DLG1: variants seen among roughly 807,000 people sequenced by gnomAD.
The protein encoded by DLG1 is disks large homolog 1.
DLG1 carries 42 observed loss-of-function variants against 123.4 expected under a neutral mutation model. That is an observed-to-expected ratio of 0.34 (90% confidence interval 0.27 to 0.44). The LOEUF is 0.44. Ranked by LOEUF, DLG1 falls within the 20% of genes least tolerant of loss-of-function variation. The pLI, the probability that DLG1 is intolerant of heterozygous loss-of-function variation, is 1.00. For synonymous variants in DLG1, 317 were observed against 356.2 expected, an observed-to-expected ratio of 0.89 and a Z score of 1.24; for missense variants, 942 against 1,082.6, an observed-to-expected ratio of 0.87 and a Z score of 1.82.
At chr3:197,277,993 A>G (rs1235570620) in intron 4 of DLG1, among the ~76,000 whole-genome samples, 1 of 151,744 alleles carries the variant, frequency 6.6e-6, no homozygotes, top group Non-Finnish European at 1.5e-5. Context: ...GTTTAAAGAA[A>G]TGGTTTTGGG....
At chr3:197,183,570 G>A (rs1713874185) in intron 5 of DLG1, 4 of 1,549,658 alleles carry the variant, frequency 2.6e-6, no homozygotes, top group Non-Finnish European at 3.5e-6. Flanking sequence ...CAAGTGGTAT[G>A]TTACCTGGGT....
intron 11 of DLG1, among the ~76,000 whole-genome samples, chr3:197,128,874 T>C (rs972613109): frequency 6.6e-6 from 1 of 152,134 alleles, no homozygotes; most frequent in African/African-American, 2.4e-5. Context: ...CAGGTCTCAA[T>C]AGTTGGCTTA....
intron 4 of DLG1, among the ~76,000 whole-genome samples, chr3:197,242,608 T>TAA (rs1235936736): frequency 6.7e-6 from 1 of 150,306 alleles, no homozygotes; most frequent in Non-Finnish European, 1.5e-5. Context: ...ACAAAAAGAA[T>TAA]AAAAATACAT....
intron 4 of DLG1, among the ~76,000 whole-genome samples, chr3:197,258,741 A>T (rs1758009730): frequency 1.3e-5 from 2 of 152,228 alleles, no homozygotes; most frequent in South Asian, 4.1e-4. Flanking sequence ...CTTTAGTTCA[A>T]AAGAAAATCA....
At chr3:197,135,307 T>C (rs1784540035) in intron 10 of DLG1, among the ~76,000 whole-genome samples, 3 of 152,204 alleles carry the variant, frequency 2.0e-5, no homozygotes, top group African/African-American at 7.2e-5. Flanking sequence ...GGGAGGGACC[T>C]TGTAGGAGGT....
intron 4 of DLG1, among the ~76,000 whole-genome samples, chr3:197,225,549 T>C (rs933347128): frequency 1.3e-5 from 2 of 152,184 alleles, no homozygotes; most frequent in Admixed American, 1.3e-4. Context: ...TCTCCAGTCC[T>C]GCGTATCAAT....
At chr3:197,136,824 G>A in intron 9 of DLG1, 146 bp from the exon 10 acceptor site, 1 of 635,120 alleles carries the variant, frequency 1.6e-6, no homozygotes, top group Non-Finnish European at 2.5e-6. Flanking sequence ...ACTAGTATAT[G>A]TTCTGCAATC....
intron 4 of DLG1, chr3:197,260,596 C>A (rs1237419254): frequency 6.5e-6 from 1 of 153,412 alleles, no homozygotes; most frequent in African/African-American, 2.4e-5. Context: ...GAGTCCACTG[C>A]TTCTTCAGAT....
At chr3:197,143,981 C>A (rs1789384887) in intron 6 of DLG1, among the ~76,000 whole-genome samples, 1 of 152,138 alleles carries the variant, frequency 6.6e-6, no homozygotes. Flanking sequence ...GGTTTGAATC[C>A]TTCCTTTAAA....
Position 197,104,933 on chromosome 3 carries a change from C to G in DLG1, c.1516G>C (p.Val506Leu). The G allele has an allele frequency of 6.2e-7, 1 of 1,613,544 alleles. No individual in the cohort carries two copies. The highest frequency in any genetic ancestry group is 8.5e-7 in the Non-Finnish European group (1 of 1,179,646). Reference protein sequence around the residue: ...AAALKNAGQAVTIVAQYRPEE... With the variant: ...AAALKNAGQALTIVAQYRPEE... ...GGTCGATATTGTGCAACAATTGTGACAGCCTGGCCAGCATTTTTCAATGCA... is the reference window on the plus strand; with the variant it reads ...GGTCGATATTGTGCAACAATTGTGAGAGCCTGGCCAGCATTTTTCAATGCA... The change falls in exon 14 of 25, where the codon GTC becomes CTC. Residue 506 changes from valine to leucine, a missense_variant. Val to Leu is a conservative substitution (Grantham distance 32). Transcript: ENST00000667157.
intron 24 of DLG1, among the ~76,000 whole-genome samples, chr3:197,045,228 G>GTCT (rs1722105052): frequency 2.0e-5 from 3 of 151,212 alleles, no homozygotes; most frequent in African/African-American, 7.3e-5. Context: ...AGATACCTAA[G>GTCT]CTAGCTTGTT....
At chr3:197,280,285 T>G (rs1448769262) in intron 4 of DLG1, among the ~76,000 whole-genome samples, 2 of 152,156 alleles carry the variant, frequency 1.3e-5, no homozygotes, top group African/African-American at 4.8e-5. Context: ...TCCATCCATG[T>G]TGCTGCAAAT....
chr3:197,094,787 G>A (rs1759699094), intron 14 of DLG1, among the ~76,000 whole-genome samples: 1 of 152,114 alleles, frequency 6.6e-6, no homozygotes, highest in South Asian at 2.1e-4. Flanking sequence ...TTTTATATGT[G>A]AAAGTCTGTT....
chr3:197,121,496 C>T (rs768563774), intron 11 of DLG1, among the ~76,000 whole-genome samples: 10 of 151,880 alleles, frequency 6.6e-5, no homozygotes, highest in Non-Finnish European at 8.8e-5. Flanking sequence ...AAGTTAAAAG[C>T]GAGAAAATAT....
intron 5 of DLG1, 78 bp from the exon 6 acceptor site, chr3:197,149,874 G>C: frequency 1.2e-6 from 1 of 822,296 alleles, no homozygotes; most frequent in Non-Finnish European, 2.1e-6. Context: ...AGAGGCATAG[G>C]AAAGACTTGC....
At chr3:197,110,643 C>T (rs1248307171) in intron 13 of DLG1, among the ~76,000 whole-genome samples, 1 of 152,122 alleles carries the variant, frequency 6.6e-6, no homozygotes, top group Non-Finnish European at 1.5e-5. Context: ...CAGAACTGTC[C>T]TCTTATCTAC....
intron 4 of DLG1, among the ~76,000 whole-genome samples, chr3:197,281,902 G>A (rs560203998): frequency 6.6e-5 from 10 of 152,286 alleles, no homozygotes; most frequent in African/African-American, 2.4e-4. Context: ...TTACCAAAGT[G>A]CTATCTGGTT....
intron 19 of DLG1, 132 bp from the exon 20 acceptor site, chr3:197,066,886 T>A (rs1739984038): frequency 1.9e-6 from 1 of 536,250 alleles, no homozygotes; most frequent in African/African-American, 1.9e-5. Flanking sequence ...AGGTACTTTA[T>A]GGCAAGATTT....
intron 5 of DLG1, among the ~76,000 whole-genome samples, chr3:197,166,692 C>G (rs570276683): frequency 6.6e-6 from 1 of 152,068 alleles, no homozygotes; most frequent in African/African-American, 2.4e-5. Flanking sequence ...GAGTTTGAGA[C>G]CAGCCTGGCC....
Sources: gnomAD v4.1 joint callset for allele counts (sites outside exome capture counted in the v4.1 genomes callset) on GRCh38, gnomAD v4.1.1 for gene constraint, MANE v1.5 for transcripts, NCBI Gene and HGNC (gene_info 2026-07-23, HGNC 2026-07-21) for gene names.